Variants in GPR174 observed in about 807,000 individuals in gnomAD.
The protein encoded by GPR174 is G protein-coupled receptor 174.
GPR174 carries 8 observed loss-of-function variants against 16.5 expected under a neutral mutation model. The ratio of observed to expected loss-of-function variants is 0.48; its 90% CI spans 0.28 to 0.87. The LOEUF (loss-of-function observed/expected upper bound fraction) is 0.87. GPR174 is among the 40% of genes least tolerant of loss of function. The probability of loss-of-function intolerance (pLI) is 0.09; values close to 1 mark genes in which losing one functional copy is unlikely to be tolerated. For synonymous variants in GPR174, 111 were observed against 94.8 expected, an observed-to-expected ratio of 1.17 and a Z score of -0.99; for missense variants, 214 against 247.5, an observed-to-expected ratio of 0.86 and a Z score of 0.91.
intron 2 of GPR174, among the ~76,000 whole-genome samples, chrX:79,168,322 G>C (rs1921425065): frequency 9.0e-6 from 1 of 111,500 alleles, no homozygotes; most frequent in Non-Finnish European, 1.9e-5. Context: ...TGAGCAAGTG[G>C]TTGCTTATTA....
chrX:79,156,114 T>A (rs1921090723), intron 1 of GPR174, among the ~76,000 whole-genome samples: 1 of 112,409 alleles, frequency 8.9e-6, no homozygotes, highest in Non-Finnish European at 1.9e-5. Flanking sequence ...GTATTTTCAC[T>A]TTATCAGTAG....
chrX:79,159,409 CCA>C (rs1921180943), intron 2 of GPR174, among the ~76,000 whole-genome samples: 1 of 112,142 alleles, frequency 8.9e-6, no homozygotes, highest in South Asian at 3.7e-4. Flanking sequence ...CAGCCCTTGG[CCA>C]CAACGTTTGT....
intron 2 of GPR174, among the ~76,000 whole-genome samples, chrX:79,168,929 C>A (rs1461659217): frequency 1.8e-5 from 2 of 110,986 alleles, no homozygotes; most frequent in African/African-American, 6.6e-5. Flanking sequence ...TTGAATGAGA[C>A]TTCACCTGGA....
intron 2 of GPR174, among the ~76,000 whole-genome samples, chrX:79,161,921 GC>G (rs1461738776): frequency 9.0e-6 from 1 of 111,549 alleles, no homozygotes; most frequent in Non-Finnish European, 1.9e-5. Flanking sequence ...AGGAGGTGAT[GC>G]TTTTTCTTCA....
At position 79,171,170 on chromosome X, in the gene GPR174, G is replaced by A; in HGVS notation, c.163G>A (p.Val55Met). Reference protein sequence around the residue: ...YGYMKETKRAVIFMINLAIAD... With the variant: ...YGYMKETKRAMIFMINLAIAD... Reference sequence around the variant, plus strand: ...TTATATGAAAGAAACAAAACGAGCTGTGATATTTATGATAAACTTAGCCAT... The same window carrying A: ...TTATATGAAAGAAACAAAACGAGCTATGATATTTATGATAAACTTAGCCAT... The change falls in exon 3 of 3, where the codon GTG becomes ATG. Residue 55 changes from valine (V) to methionine (M), a missense_variant. Physicochemically the swap from Val to Met is conservative, Grantham distance 21. Coordinates refer to ENST00000645147, the MANE Select transcript of GPR174 (RefSeq NM_032553.3). 1.7e-6 allele frequency: 2 copies of A among 1,206,657 alleles called. No individual in the cohort carries two copies. The highest frequency in any genetic ancestry group is 1.1e-6 in the Non-Finnish European group (1 of 892,286).
intron 1 of GPR174, among the ~76,000 whole-genome samples, chrX:79,153,277 G>A (rs1009350090): frequency 9.0e-6 from 1 of 111,608 alleles, no homozygotes; most frequent in Non-Finnish European, 1.9e-5. Context: ...CAGGGCAGGG[G>A]CTATGTCTCA....
At chrX:79,157,384 G>A (rs1449307393) in intron 2 of GPR174, among the ~76,000 whole-genome samples, 1 of 111,674 alleles carries the variant, frequency 9.0e-6, no homozygotes, top group Non-Finnish European at 1.9e-5. Flanking sequence ...ACTAGTCCTG[G>A]TGCTGAATTT....
chrX:79,154,627 A>C (rs1285425810), intron 1 of GPR174, among the ~76,000 whole-genome samples: 1 of 111,037 alleles, frequency 9.0e-6, no homozygotes, highest in Admixed American at 9.6e-5. Flanking sequence ...ATTTATCAAG[A>C]ATTGGGCCTA....
Position 79,171,073 on chromosome X carries a change from T to C in GPR174, c.66T>C (p.Tyr22=). The change falls in exon 3 of 3, where the codon TAT becomes TAC. Residue 22 remains tyrosine, a synonymous_variant. Coordinates refer to ENST00000645147, the MANE Select transcript of GPR174 (RefSeq NM_032553.3). ...ATACAGATTTTCGATACTTTATTTA[T>C]GCAGTGACATACACTGTCATTCTTG... ...GDNTDFRYFI[Y]AVTYTVILVP... is the part of the protein sequence containing the mutation. 2 of 1,206,757 alleles carry C rather than the reference T, an allele frequency of 1.7e-6. No individual in the cohort carries two copies. Among genetic ancestry groups the C allele is most frequent in the Non-Finnish European group, 2.2e-6 (2 of 891,181 alleles).
chrX:79,154,644 T>A (rs1921054345), intron 1 of GPR174, among the ~76,000 whole-genome samples: 1 of 111,045 alleles, frequency 9.0e-6, no homozygotes, highest in African/African-American at 3.3e-5. Context: ...CCTATCTGTC[T>A]ACTCAAACTT....
Position 79,168,383 on chromosome X carries a change from C to G in GPR174, c.-556-2069C>G, listed in dbSNP as rs188179994. 1.3e-4 allele frequency among the ~76,000 whole-genome samples: 15 copies of G among 111,521 alleles called. No individual in the cohort carries two copies. In the East Asian group the frequency reaches 3.9e-3, roughly 29 times the overall value. ...GGGCTTCACACCCCAGATGGCATCT[C>G]TACTTGCAATTAGTGTCTCAAAGAC... On this transcript the variant is annotated intron_variant, in intron 2 of 2. Coordinates refer to ENST00000645147, the MANE Select transcript of GPR174 (RefSeq NM_032553.3).
At chrX:79,153,740 G>T (rs1333772506) in intron 1 of GPR174, among the ~76,000 whole-genome samples, 3 of 111,850 alleles carry the variant, frequency 2.7e-5, no homozygotes, top group African/African-American at 9.7e-5. Flanking sequence ...GAAGGAAAGA[G>T]AAATAGCTAC....
At chrX:79,152,528 C>T (rs1286996908) in intron 1 of GPR174, among the ~76,000 whole-genome samples, 1 of 111,684 alleles carries the variant, frequency 9.0e-6, no homozygotes, top group Admixed American at 9.5e-5. Flanking sequence ...TTAGGCTTGT[C>T]TGTCTCCTGA....
Position 79,174,877 on chromosome X carries a change from A to T in GPR174, c.*2868A>T, listed in dbSNP as rs1294953291. The stretch of plus-strand genomic sequence containing the variant: ...TGGGTTCTATGAAATTGTGGTGCAA[A>T]GAGTAAACACCCTCAACCATAGTAA... On this transcript the variant is annotated 3_prime_UTR_variant, in exon 3 of 3. Coordinates refer to ENST00000645147, the MANE Select transcript of GPR174 (RefSeq NM_032553.3). 1 of 111,787 alleles carries T rather than the reference A, an allele frequency of 8.9e-6. No homozygotes were observed. The highest frequency in any genetic ancestry group is 3.3e-5 in the African/African-American group (1 of 30,742). 9.2% of individuals were successfully genotyped at this position (111,787 alleles called of 1,213,427 possible).
At chrX:79,152,411 C>T (rs1926619825) in intron 1 of GPR174, among the ~76,000 whole-genome samples, 1 of 111,548 alleles carries the variant, frequency 9.0e-6, no homozygotes, top group African/African-American at 3.3e-5. Context: ...AGAGAATTAA[C>T]TGGAATCTAA....
chrX:79,162,116 T>C (rs1921249094), intron 2 of GPR174, among the ~76,000 whole-genome samples: 1 of 111,907 alleles, frequency 8.9e-6, no homozygotes, highest in South Asian at 3.7e-4. Context: ...TTTTAAAGGT[T>C]AAATGGACAT....
chrX:79,159,513 A>G (rs1017041965), intron 2 of GPR174, among the ~76,000 whole-genome samples: 1 of 111,858 alleles, frequency 8.9e-6, no homozygotes, highest in Non-Finnish European at 1.9e-5. Context: ...CTTTATAAAT[A>G]TTAACTCATT....
Position 79,164,390 on chromosome X carries a change from GAC to G in GPR174, c.-556-6058_-556-6057del, listed in dbSNP as rs763903846. 8.7e-4 allele frequency among the ~76,000 whole-genome samples: 97 copies of G among 111,879 alleles called. 1 individual carries two copies. The highest frequency in any genetic ancestry group is 3.0e-3 in the African/African-American group (93 of 30,901). On this transcript the variant is annotated intron_variant, in intron 2 of 2. Coordinates refer to ENST00000645147, the MANE Select transcript of GPR174 (RefSeq NM_032553.3). ...CACCAAAACCAGGTGGCTTGTGCCA[GAC>G]ACAGAGTTGTCATCACTGGTGGAAG...
intron 2 of GPR174, among the ~76,000 whole-genome samples, chrX:79,157,429 G>T (rs1206474499): frequency 1.8e-5 from 2 of 111,782 alleles, no homozygotes; most frequent in East Asian, 5.6e-4. Context: ...AGCTTCAAAA[G>T]GGGATTTGGG....
Sources: gnomAD v4.1 joint callset for allele counts (sites outside exome capture counted in the v4.1 genomes callset) on GRCh38, gnomAD v4.1.1 for gene constraint, MANE v1.5 for transcripts, NCBI Gene and HGNC (gene_info 2026-07-23, HGNC 2026-07-21) for gene names.